TMEM276: variants seen among roughly 807,000 people sequenced by gnomAD.
The protein encoded by TMEM276 is transmembrane protein 276.
chr8:144,466,271 T>A, the TMEM276 span: 1 of 209,882 alleles, frequency 4.8e-6, no homozygotes, highest in African/African-American at 2.4e-5. Context: ...AGTACCCCCG[T>A]CCCCGCGCTC....
chr8:144,464,955 G>C, the TMEM276 span: 10 of 1,594,552 alleles, frequency 6.3e-6, no homozygotes, highest in Non-Finnish European at 7.7e-6. Context: ...ACTCAACTTT[G>C]GAGAGGAAGG....
At chr8:144,464,088 T>C in the TMEM276 span, 1 of 1,576,656 alleles carries the variant, frequency 6.3e-7, no homozygotes, top group South Asian at 1.2e-5. Context: ...AGGGAAAGTG[T>C]TCGGCAGGGC....
the TMEM276 span, chr8:144,464,697 G>A: frequency 2.5e-6 from 4 of 1,576,680 alleles, no homozygotes; most frequent in Non-Finnish European, 2.6e-6. Flanking sequence ...GGCTTCCATG[G>A]AGACCTGGTC....
At chr8:144,465,216 G>A in the TMEM276 span, 15 of 1,225,852 alleles carry the variant, frequency 1.2e-5, no homozygotes, top group South Asian at 1.1e-4. Context: ...GCCTGGGGAA[G>A]AGAGAGCGGC....
the TMEM276 span, chr8:144,463,843 GATTT>G: frequency 2.3e-6 from 3 of 1,325,650 alleles, no homozygotes; most frequent in Admixed American, 7.3e-5. Context: ...AAATTCCTAA[GATTT>G]ATTGGAGACT....
chr8:144,466,939 C>G, the TMEM276 span: 1 of 1,584,556 alleles, frequency 6.3e-7, no homozygotes, highest in Non-Finnish European at 8.5e-7. Flanking sequence ...ATGTCTCCCG[C>G]CCTCCTCCCT....
At chr8:144,464,025 G>A in the TMEM276 span, 3 of 1,526,672 alleles carry the variant, frequency 2.0e-6, no homozygotes, top group Non-Finnish European at 2.6e-6. Flanking sequence ...ACCCACTTCA[G>A]TAGGCAGAAG....
chr8:144,464,368 G>A, the TMEM276 span: 2 of 1,610,918 alleles, frequency 1.2e-6, no homozygotes, highest in South Asian at 1.1e-5. Flanking sequence ...ACCAGCCACA[G>A]AGCGGCCCTC....
the TMEM276 span, chr8:144,466,990 C>T: frequency 1.6e-5 from 26 of 1,596,632 alleles, no homozygotes; most frequent in East Asian, 2.2e-5. Context: ...GGTCGGAAGG[C>T]GCAGCCGAGG....
At chr8:144,463,913 G>A in the TMEM276 span, 1 of 1,407,852 alleles carries the variant, frequency 7.1e-7, no homozygotes, top group Admixed American at 3.2e-5. Context: ...ACCCCCAAAC[G>A]TGTCTGGGAC....
At chr8:144,463,997 C>CT in the TMEM276 span, 1 of 1,517,548 alleles carries the variant, frequency 6.6e-7, no homozygotes, top group Non-Finnish European at 8.8e-7. Context: ...CTGCCCCTGA[C>CT]CAGTCAATGT....
the TMEM276 span, chr8:144,466,760 A>G: frequency 6.5e-7 from 1 of 1,530,134 alleles, no homozygotes; most frequent in Non-Finnish European, 8.7e-7. Context: ...CCCTCCCTAG[A>G]GAGCCCGCAA....
the TMEM276 span, chr8:144,464,770 G>T: frequency 6.8e-6 from 11 of 1,609,636 alleles, no homozygotes; most frequent in African/African-American, 1.3e-5. Context: ...GGTTTGGGAG[G>T]TATGGGGATG....
chr8:144,464,108 G>A, the TMEM276 span: 1 of 1,596,096 alleles, frequency 6.3e-7, no homozygotes, highest in Non-Finnish European at 8.6e-7. Flanking sequence ...CAGAAACCCT[G>A]CCTGGCTGTA....
the TMEM276 span, chr8:144,464,812 G>A: frequency 1.2e-6 from 2 of 1,612,634 alleles, no homozygotes; most frequent in African/African-American, 1.3e-5. Flanking sequence ...TACTCACCTC[G>A]GCTGTGCTCA....
the TMEM276 span, chr8:144,466,827 C>G: frequency 6.5e-7 from 1 of 1,536,560 alleles, no homozygotes; most frequent in African/African-American, 1.4e-5. Flanking sequence ...ACCGAGCTGA[C>G]CGGCCTGGCC....
chr8:144,466,541 C>A, the TMEM276 span: 1 of 1,137,180 alleles, frequency 8.8e-7, no homozygotes, highest in Non-Finnish European at 1.1e-6. Context: ...GGCCGTGCAG[C>A]CCGTCGTCTC....
the TMEM276 span, chr8:144,465,533 G>C: frequency 1.4e-5 from 9 of 643,184 alleles, no homozygotes; most frequent in Non-Finnish European, 1.7e-5. Flanking sequence ...AGAGCGGCTG[G>C]GGGGGGAGGG....
chr8:144,466,445 T>C, the TMEM276 span: 2 of 1,359,198 alleles, frequency 1.5e-6, no homozygotes, highest in East Asian at 3.4e-5. Context: ...TCGTTGCTCA[T>C]CTACATCTTC....
Sources: gnomAD v4.1 joint callset for allele counts on GRCh38, gnomAD v4.1.1 for gene constraint, MANE v1.5 for transcripts, NCBI Gene and HGNC (gene_info 2026-07-23, HGNC 2026-07-21) for gene names.